Variants in MAGI2 observed in about 807,000 individuals in gnomAD.
MAGI2 encodes membrane-associated guanylate kinase, WW and PDZ domain-containing protein 2.
Under a neutral mutation model 133.3 loss-of-function variants are expected in MAGI2, and 35 were observed. The observed-to-expected ratio is 0.26, with a 90% CI of 0.20 to 0.35. The LOEUF is 0.35. MAGI2 is among the 10% of genes least tolerant of loss of function. The probability of loss-of-function intolerance (pLI) is 1.00; values close to 1 mark genes in which losing one functional copy is unlikely to be tolerated. For missense variants in MAGI2, 1,636 were observed against 1,863.4 expected, an observed-to-expected ratio of 0.88 and a Z score of 2.25; for synonymous variants, 729 against 710.6, an observed-to-expected ratio of 1.03 and a Z score of -0.41.
chr7:79,038,362 T>C (rs1811311913), intron 1 of MAGI2, among the ~76,000 whole-genome samples: 1 of 152,170 alleles, frequency 6.6e-6, no homozygotes, highest in African/African-American at 2.4e-5. Context: ...GATGAGCTCA[T>C]GGATTACAAA....
At position 79,077,602 on chromosome 7, in the gene MAGI2, AATAAAT is replaced by A. The variant is rs1562865644; in HGVS notation, c.302-70402_302-70397del. ...AAAAAAAAAAAAAAAAAAATAAATA[AATAAAT>A]AAATTCCCTTTTGCTTAACTAGAGT... On this transcript the variant is annotated intron_variant, in intron 1 of 21. Coordinates refer to ENST00000354212, the MANE Select transcript of MAGI2 (RefSeq NM_012301.4). 1.1e-4 allele frequency among the ~76,000 whole-genome samples: 6 copies of A among 54,324 alleles called. 1 individual carries two copies. The highest frequency in any genetic ancestry group is 2.8e-4 in the African/African-American group (4 of 14,210). 35.6% of individuals were successfully genotyped at this position (54,324 alleles called of 152,430 possible). A position where few individuals can be genotyped will look rare whatever the true frequency, so the allele number is the denominator to read the frequency against.
intron 1 of MAGI2, among the ~76,000 whole-genome samples, chr7:79,058,606 G>A (rs75719822): frequency 0.025 from 3,835 of 152,124 alleles, 167 homozygotes; most frequent in African/African-American, 0.088. Flanking sequence ...TTATAGTTTT[G>A]TTATTACAAG....
intron 2 of MAGI2, among the ~76,000 whole-genome samples, chr7:78,825,599 T>A (rs991160889): frequency 6.6e-6 from 1 of 152,222 alleles, no homozygotes; most frequent in Non-Finnish European, 1.5e-5. Context: ...AAAAACTAGT[T>A]TTTTTAAAAA....
At chr7:78,869,187 G>GAGAAA (rs1401147860) in intron 2 of MAGI2, among the ~76,000 whole-genome samples, 1 of 152,166 alleles carries the variant, frequency 6.6e-6, no homozygotes, top group Admixed American at 6.5e-5. Context: ...CCTTCTGTGG[G>GAGAAA]TTGTCTGTTT....
At chr7:79,089,072 C>G (rs1258341824) in intron 1 of MAGI2, among the ~76,000 whole-genome samples, 1 of 151,954 alleles carries the variant, frequency 6.6e-6, no homozygotes, top group African/African-American at 2.4e-5. Flanking sequence ...TCTAATGTAT[C>G]CAGAATCTAC....
At chr7:78,994,228 T>C (rs968084923) in intron 2 of MAGI2, among the ~76,000 whole-genome samples, 9 of 151,942 alleles carry the variant, frequency 5.9e-5, no homozygotes, top group African/African-American at 2.2e-4. Flanking sequence ...CTTTTCTTCA[T>C]CAAAAGAAGG....
chr7:79,360,420 C>T (rs988401060), intron 1 of MAGI2, among the ~76,000 whole-genome samples: 1 of 136,084 alleles, frequency 7.3e-6, no homozygotes, highest in Non-Finnish European at 1.6e-5. Context: ...TGAAAGAAAA[C>T]TAGAACATCA....
intron 2 of MAGI2, among the ~76,000 whole-genome samples, chr7:78,644,838 G>T (rs967150692): frequency 1.3e-5 from 2 of 152,026 alleles, no homozygotes; most frequent in Non-Finnish European, 1.5e-5. Context: ...AGCTGGCTAA[G>T]AGAAAAATCA....
chr7:78,790,893 G>A (rs1483037630), intron 2 of MAGI2, among the ~76,000 whole-genome samples: 1 of 152,136 alleles, frequency 6.6e-6, no homozygotes, highest in Non-Finnish European at 1.5e-5. Flanking sequence ...AATCTTTGAG[G>A]AATAAAGTGA....
At chr7:79,021,025 C>T (rs1358151343) in intron 1 of MAGI2, among the ~76,000 whole-genome samples, 4 of 152,212 alleles carry the variant, frequency 2.6e-5, no homozygotes, top group Non-Finnish European at 5.9e-5. Flanking sequence ...ACAGCTTGAG[C>T]CATTGCTTCA....
At chr7:79,102,126 AT>A (rs1320175141) in intron 1 of MAGI2, among the ~76,000 whole-genome samples, 3 of 152,010 alleles carry the variant, frequency 2.0e-5, no homozygotes, top group East Asian at 3.9e-4. Flanking sequence ...TATTTTATTT[AT>A]TTTTTATTTT....
chr7:78,813,563 A>T (rs1223744208), intron 2 of MAGI2, among the ~76,000 whole-genome samples: 2 of 152,142 alleles, frequency 1.3e-5, no homozygotes, highest in Non-Finnish European at 2.9e-5. Context: ...AGACGGGCGG[A>T]TCACGAGGTC....
At chr7:79,361,737 A>G (rs989126859) in intron 1 of MAGI2, among the ~76,000 whole-genome samples, 1 of 152,192 alleles carries the variant, frequency 6.6e-6, no homozygotes, top group Non-Finnish European at 1.5e-5. Flanking sequence ...ATCATATAGG[A>G]TATATTCTTT....
chr7:78,950,826 T>A (rs191282174), intron 2 of MAGI2, among the ~76,000 whole-genome samples: 3 of 152,182 alleles, frequency 2.0e-5, no homozygotes, highest in Non-Finnish European at 4.4e-5. Context: ...GAAAACTTTT[T>A]ATTAAAATTT....
intron 1 of MAGI2, among the ~76,000 whole-genome samples, chr7:79,259,809 C>A (rs1202825407): frequency 6.6e-6 from 1 of 152,120 alleles, no homozygotes; most frequent in East Asian, 1.9e-4. Context: ...GTGCTATATA[C>A]CAGATTGTAT....
At chr7:79,367,875 A>ATATATATATATGTG (rs1342246318) in intron 1 of MAGI2, among the ~76,000 whole-genome samples, 1 of 122,084 alleles carries the variant, frequency 8.2e-6, no homozygotes, top group African/African-American at 3.5e-5. Flanking sequence ...ATATATATAT[A>ATATATATATATGTG]TGTCATTGAC....
intron 1 of MAGI2, among the ~76,000 whole-genome samples, chr7:79,361,333 A>G (rs1355690454): frequency 1.3e-5 from 2 of 151,998 alleles, no homozygotes; most frequent in Non-Finnish European, 2.9e-5. Flanking sequence ...ATGATATGGA[A>G]GGAGGGAAGG....
chr7:78,160,544 T>C (rs910772170), intron 15 of MAGI2, among the ~76,000 whole-genome samples: 2 of 152,224 alleles, frequency 1.3e-5, no homozygotes, highest in Admixed American at 6.5e-5. Context: ...CTTCATCTCA[T>C]GAGGACTGCA....
chr7:79,407,287 T>G (rs1377528283), intron 1 of MAGI2, among the ~76,000 whole-genome samples: 1 of 152,118 alleles, frequency 6.6e-6, no homozygotes, highest in African/African-American at 2.4e-5. Context: ...AACTGCCACG[T>G]TAAAGAAAAC....
Sources: allele counts gnomAD v4.1 joint callset (sites outside exome capture counted in the v4.1 genomes callset), GRCh38; gene constraint gnomAD v4.1.1; transcripts MANE v1.5; gene names NCBI Gene and HGNC (gene_info 2026-07-23, HGNC 2026-07-21).